The following USF3 variants were observed in gnomAD, a reference collection of about 807,000 sequenced individuals.
The protein encoded by USF3 is basic helix-loop-helix domain-containing protein USF3.
In USF3, 29 loss-of-function variants were observed where a neutral mutation model predicts 157.5. The ratio of observed to expected loss-of-function variants is 0.18; its 90% confidence interval spans 0.14 to 0.25. The LOEUF (loss-of-function observed/expected upper bound fraction) is 0.25. Ranked by LOEUF, USF3 falls within the 10% of genes least tolerant of loss-of-function variation. The pLI, the probability that USF3 is intolerant of heterozygous loss-of-function variation, is 1.00. For synonymous variants in USF3, 893 were observed against 941.4 expected (o/e 0.95, Z 0.94); for missense variants, 2,381 against 2,667.6 (o/e 0.89, Z 2.37).
intron 1 of USF3, among the ~76,000 whole-genome samples, chr3:113,677,942 C>A (rs927724168): frequency 6.6e-6 from 1 of 151,968 alleles, no homozygotes; most frequent in Non-Finnish European, 1.5e-5. Context: ...CTGGGTAGGG[C>A]CCAGGAATTT....
chr3:113,666,333 C>T (rs145817249), intron 5 of USF3, among the ~76,000 whole-genome samples: 3,833 of 140,116 alleles, frequency 0.027, 171 homozygotes, highest in African/African-American at 0.094. Context: ...CTCACTGCAA[C>T]CTCTGCCTTT....
intron 5 of USF3, 115 bp from the exon 6 acceptor site, chr3:113,664,524 T>A (rs1947534458): frequency 1.8e-6 from 1 of 543,652 alleles, no homozygotes; most frequent in Non-Finnish European, 3.2e-6. Context: ...TCTCAAAATT[T>A]AAAACAGGCA....
At chr3:113,667,313 G>C (rs564653800) in intron 5 of USF3, among the ~76,000 whole-genome samples, 140 of 152,336 alleles carry the variant, frequency 9.2e-4, no homozygotes, top group African/African-American at 3.3e-3. Flanking sequence ...ATCTTAGTTG[G>C]CTCTGCTTCT....
chr3:113,650,637 A>C lies in USF3; in HGVS notation c.*4307T>G, dbSNP rs1483600871. The C allele has an allele frequency of 6.6e-6, 1 of 152,126 alleles. No individual in the cohort carries two copies. The highest frequency in any genetic ancestry group is 1.9e-4 in the East Asian group (1 of 5,202). 9.4% of individuals were successfully genotyped at this position (152,126 alleles called of 1,614,324 possible). ...TAAAATGTGCTTCCACATTTTTTGG[A>C]GTATAAGTTTTAGCCTCTCCATGAA... On this transcript the variant is annotated 3_prime_UTR_variant, in exon 7 of 7. Coordinates refer to ENST00000316407, the MANE Select transcript of USF3 (RefSeq NM_001009899.4).
Position 113,661,240 on chromosome 3 carries a change from T to A in USF3, c.442A>T (p.Ile148Phe). The change falls in exon 7 of 7, where the codon ATT becomes TTT. Residue 148 changes from isoleucine (I) to phenylalanine (F), a missense_variant. By Grantham distance (21) the Ile-to-Phe change is conservative. Around this residue, in one of 6 missense-constraint regions of USF3, gnomAD observed 1,435 missense variants for 1,550.9 expected, o/e 0.93. Coordinates refer to ENST00000316407, the MANE Select transcript of USF3 (RefSeq NM_001009899.4). ...IPSDQVQKKI[I>F]VYSNGNQPGG... is the part of the protein sequence containing the mutation. ...GGCTGATTCCCGTTGGAATAAACAA[T>A]AATTTTTTTTTGAACCTGGTCACTA... is the stretch of plus-strand genomic sequence containing the variant. 6.2e-7 allele frequency: 1 copy of A among 1,613,908 alleles called. No homozygotes were observed. Among genetic ancestry groups the A allele is most frequent in the Non-Finnish European group, 8.5e-7 (1 of 1,179,926 alleles).
intron 4 of USF3, among the ~76,000 whole-genome samples, chr3:113,671,863 G>A (rs1332261075): frequency 1.4e-5 from 2 of 147,384 alleles, no homozygotes; most frequent in African/African-American, 5.0e-5. Flanking sequence ...TGACTTCCCA[G>A]GCTCAAGCAA....
rs762907029 is a variant in USF3 at position 113,660,086 on chromosome 3, C to T, written c.1596G>A (p.Val532=). ...ACCCAACTGGCTGAGCCATCTGAAT[C>T]ACTTGCATTGCTGAATTCAGTGGAA... ...NILPLNSAMQ[V]IQMAQPVGSA... The change falls in exon 7 of 7, where the codon GTG becomes GTA. Residue 532 remains valine, a synonymous_variant. Transcript: ENST00000316407. The T allele has an allele frequency of 3.7e-6, 6 of 1,614,070 alleles. No individual in the cohort carries two copies. The African/African-American group carries it at 8.0e-5, about 22-fold the overall frequency.
rs763420566 is a variant in USF3 at position 113,658,061 on chromosome 3, C to T, written c.3621G>A (p.Glu1207=). The change falls in exon 7 of 7, where the codon GAG becomes GAA. Residue 1207 remains glutamate, a synonymous_variant. Transcript: ENST00000316407. ...AACAACTTGGTTTCTCAAGGGGCCT[C>T]TCCATAGTTGCTTCAATTGAACCCT... ...NSQGSIEATM[E]RPLEKPSCSL... is the part of the protein sequence containing the mutation. 11 of 1,614,040 alleles carry T rather than the reference C, an allele frequency of 6.8e-6. No individual in the cohort carries two copies. In the South Asian group the frequency reaches 1.2e-4, roughly 18 times the overall value.
intron 1 of USF3, among the ~76,000 whole-genome samples, chr3:113,678,229 A>G (rs1002028255): frequency 4.0e-4 from 61 of 152,264 alleles, no homozygotes; most frequent in African/African-American, 1.4e-3. Context: ...CATCTGACCA[A>G]TACCCTAGTT....
Position 113,658,999 on chromosome 3 carries a change from C to G in USF3, c.2683G>C (p.Glu895Gln), listed in dbSNP as rs745600084. The change falls in exon 7 of 7, where the codon GAA (glutamate) becomes CAA (glutamine). Residue 895 changes from glutamate (E) to glutamine (Q), a missense_variant. Transcript: ENST00000316407. ...SAEKSSPPSQ[E>Q]SVTSEHFAMA... ...GCAAAATGTTCACTTGTTACAGATT[C>G]TTGGGAGGGTGGGCTGGACTTTTCT... is the stretch of plus-strand genomic sequence containing the variant. 1.2e-6 allele frequency: 2 copies of G among 1,614,104 alleles called. No individual in the cohort carries two copies. The highest frequency in any genetic ancestry group is 1.1e-5 in the South Asian group (1 of 91,078).
At position 113,648,696 on chromosome 3, in the gene USF3, G is replaced by A. The variant is rs1419313880; in HGVS notation, c.*6248C>T. The stretch of plus-strand genomic sequence containing the variant: ...TAAACCAGGAGATTTACAGTAATAG[G>A]ACACAGTGTGCAGCAGACACTGCTG... On this transcript the variant is annotated 3_prime_UTR_variant, in exon 7 of 7. Transcript: ENST00000316407. 4 of 152,470 alleles carry A rather than the reference G, an allele frequency of 2.6e-5. No homozygotes were observed. Among genetic ancestry groups the A allele is most frequent in the Non-Finnish European group, 5.9e-5 (4 of 68,010 alleles). 9.4% of individuals were successfully genotyped at this position (152,470 alleles called of 1,614,324 possible). A position where few individuals can be genotyped will look rare whatever the true frequency, so the allele number is the denominator to read the frequency against.
rs1383684780 is a variant in USF3 at position 113,657,857 on chromosome 3, C to G, written c.3825G>C (p.Leu1275=). Residue 1275 remains leucine (L), a synonymous_variant, in exon 7 of 7, where the codon CTG becomes CTC. Coordinates refer to ENST00000316407, the MANE Select transcript of USF3 (RefSeq NM_001009899.4). ...TGCCATAGGAGCTAGATGAAACGGT[C>G]AGATTAACCGTTGCAGGCACAGTTG... ...EQTTVPATVN[L]TVSSSSYGSQ... is the part of the protein sequence containing the mutation. The G allele has an allele frequency of 5.0e-6, 8 of 1,614,068 alleles. No homozygotes were observed. The South Asian group carries it at 8.8e-5, about 18-fold the overall frequency.
intron 4 of USF3, among the ~76,000 whole-genome samples, chr3:113,672,279 C>T (rs2107940539): frequency 6.6e-6 from 1 of 152,096 alleles, no homozygotes; most frequent in South Asian, 2.1e-4. Context: ...CACGCACCAC[C>T]ATACCCGGCT....
intron 1 of USF3, among the ~76,000 whole-genome samples, 162 bp downstream of exon 1, chr3:113,696,208 A>G (rs554361121): frequency 1.7e-4 from 26 of 152,116 alleles, no homozygotes; most frequent in Non-Finnish European, 3.1e-4. Flanking sequence ...GCCGCACGCA[A>G]GGGTCCCCAG....
chr3:113,678,222 C>A (rs572245763), intron 1 of USF3, among the ~76,000 whole-genome samples: 3 of 152,230 alleles, frequency 2.0e-5, no homozygotes, highest in East Asian at 3.9e-4. Flanking sequence ...GTTCAAGCAT[C>A]TGACCAATAC....
chr3:113,669,307 A>G (rs1392103255), intron 5 of USF3, among the ~76,000 whole-genome samples: 2 of 151,624 alleles, frequency 1.3e-5, no homozygotes, highest in South Asian at 2.1e-4. Flanking sequence ...ATTTAGAAAT[A>G]TAACAGTAAA....
At position 113,652,370 on chromosome 3, in the gene USF3, G is replaced by A. The variant is rs1947279222; in HGVS notation, c.*2574C>T. 6.6e-6 allele frequency: 1 copy of A among 151,878 alleles called. No homozygotes were observed. Among genetic ancestry groups the A allele is most frequent in the South Asian group, 2.1e-4 (1 of 4,826 alleles). 9.4% of individuals were successfully genotyped at this position (151,878 alleles called of 1,614,324 possible). Reference sequence around the variant, plus strand: ...TCCTCAATAAAAAGTTTTGACTACTGTGTTTATCTGTTGTCTTGAGTAACT... The same window carrying A: ...TCCTCAATAAAAAGTTTTGACTACTATGTTTATCTGTTGTCTTGAGTAACT... On this transcript the variant is annotated 3_prime_UTR_variant, in exon 7 of 7. Coordinates refer to ENST00000316407, the MANE Select transcript of USF3 (RefSeq NM_001009899.4).
At chr3:113,695,905 G>C (rs1360392872) in intron 1 of USF3, among the ~76,000 whole-genome samples, 1 of 152,168 alleles carries the variant, frequency 6.6e-6, no homozygotes, top group Non-Finnish European at 1.5e-5. Context: ...GGGTGAGAGG[G>C]AAAAAGCAAG....
intron 4 of USF3, among the ~76,000 whole-genome samples, chr3:113,672,606 A>T (rs1182448648): frequency 1.3e-5 from 2 of 152,198 alleles, no homozygotes; most frequent in Non-Finnish European, 2.9e-5. Flanking sequence ...TTTGTAATGC[A>T]TGGAGGTTAA....
Sources: allele counts gnomAD v4.1 joint callset (sites outside exome capture counted in the v4.1 genomes callset), GRCh38; gene constraint gnomAD v4.1.1; regional missense constraint gnomAD v4.1.1; transcripts MANE v1.5; gene names NCBI Gene and HGNC (gene_info 2026-07-23, HGNC 2026-07-21).